The following FRAS1 variants were observed in gnomAD, a reference collection of about 807,000 sequenced individuals.
The protein encoded by FRAS1 is Fraser extracellular matrix complex subunit 1.
Under a neutral mutation model 435.2 loss-of-function variants are expected in FRAS1, and 290 were observed. The observed-to-expected ratio is 0.67, with a 90% CI of 0.61 to 0.73. The LOEUF (loss-of-function observed/expected upper bound fraction) is 0.73. Ranked by LOEUF, FRAS1 falls within the 30% of genes least tolerant of loss-of-function variation. The pLI is 0.00. For synonymous variants in FRAS1, 1,800 were observed against 1,851.0 expected, an observed-to-expected ratio of 0.97 and a Z score of 0.71; for missense variants, 4,860 against 5,001.5, an observed-to-expected ratio of 0.97 and a Z score of 0.85.
intron 2 of FRAS1, among the ~76,000 whole-genome samples, chr4:78,194,181 C>T (rs1475080159): frequency 1.3e-5 from 2 of 152,200 alleles, no homozygotes; most frequent in African/African-American, 2.4e-5. Context: ...GTAACCCGAC[C>T]TTTCTCTCTG....
intron 34 of FRAS1, among the ~76,000 whole-genome samples, chr4:78,424,067 G>A (rs1477725691): frequency 3.3e-5 from 5 of 152,146 alleles, no homozygotes; most frequent in Admixed American, 3.3e-4. Flanking sequence ...AGTGATATAC[G>A]ACTCACCCGC....
At chr4:78,140,032 G>A (rs1720092435) in intron 2 of FRAS1, among the ~76,000 whole-genome samples, 1 of 151,626 alleles carries the variant, frequency 6.6e-6, no homozygotes, top group Admixed American at 6.6e-5. Flanking sequence ...TTTTATTATG[G>A]GAAATTTCAA....
chr4:78,341,122 A>G (rs1282118581), intron 20 of FRAS1, among the ~76,000 whole-genome samples: 1 of 122,706 alleles, frequency 8.1e-6, no homozygotes, highest in Non-Finnish European at 1.8e-5. Context: ...TGTGTATGTG[A>G]GTGTGTGGAG....
intron 30 of FRAS1, among the ~76,000 whole-genome samples, chr4:78,403,412 A>G (rs1732978189): frequency 6.6e-6 from 1 of 152,234 alleles, no homozygotes; most frequent in African/African-American, 2.4e-5. Context: ...AGAGCCCCCT[A>G]TTAGTAATAA....
intron 16 of FRAS1, 80 bp from the exon 17 acceptor site, chr4:78,317,288 G>A: frequency 1.3e-6 from 2 of 1,526,372 alleles, no homozygotes; most frequent in South Asian, 2.2e-5. Flanking sequence ...AAGAGTCCCA[G>A]GCCCGTGAAG....
At position 78,384,085 on chromosome 4, in the gene FRAS1, G is replaced by A; in HGVS notation, c.3590G>A (p.Ser1197Asn). 1.9e-6 allele frequency: 3 copies of A among 1,606,598 alleles called. No individual in the cohort carries two copies. The highest frequency in any genetic ancestry group is 2.5e-6 in the Non-Finnish European group (3 of 1,177,782). The change falls in exon 28 of 74, where the codon AGT becomes AAT. Residue 1197 changes from serine (S) to asparagine (N), a missense_variant. By Grantham distance (46) the Ser-to-Asn change is conservative. Coordinates refer to ENST00000512123, the MANE Select transcript of FRAS1 (RefSeq NM_025074.7). ...AAAGGTTACCTTTTCCTGAAAATTA[G>A]TGACCAGCAGTTCTTCTCTGAGCCA... Reference protein sequence around the residue: ...LRKGYLFLKISDQQFFSEPQL... With the variant: ...LRKGYLFLKINDQQFFSEPQL...
Position 78,448,042 on chromosome 4 carries a change from T to C in FRAS1, c.6011-11T>C. ...TACCATTGTTTTGCTTTTCTTTACC[T>C]CTTCCCTCAGGTCATGTACTCTGGA... On this transcript the variant is annotated splice_polypyrimidine_tract_variant and intron_variant, in intron 43 of 73. Coordinates refer to ENST00000512123, the MANE Select transcript of FRAS1 (RefSeq NM_025074.7). The C allele has an allele frequency of 6.3e-7, 1 of 1,584,868 alleles. No individual in the cohort carries two copies. The highest frequency in any genetic ancestry group is 1.2e-5 in the South Asian group (1 of 86,222).
chr4:78,087,764 T>G lies in FRAS1; in HGVS notation c.108+21748T>G, dbSNP rs554370775. ...AGGAGAACTACAAACCACTGCTCAA[T>G]GAAATAAAAGAGGATACAAAGAAAT... On this transcript the variant is annotated intron_variant, in intron 2 of 73. Coordinates refer to ENST00000512123, the MANE Select transcript of FRAS1 (RefSeq NM_025074.7). 6.3e-4 allele frequency among the ~76,000 whole-genome samples: 95 copies of G among 151,964 alleles called. No homozygotes were observed. In the South Asian group the frequency reaches 0.012, roughly 19 times the overall value.
intron 18 of FRAS1, among the ~76,000 whole-genome samples, chr4:78,321,856 A>AG (rs397994132): frequency 4.6e-5 from 7 of 150,824 alleles, no homozygotes; most frequent in African/African-American, 1.7e-4. Context: ...AAAAAAAAAA[A>AG]GGTTAGAATC....
chr4:78,358,198 A>G (rs1267149027), intron 20 of FRAS1, among the ~76,000 whole-genome samples: 1 of 149,330 alleles, frequency 6.7e-6, no homozygotes, highest in Non-Finnish European at 1.5e-5. Flanking sequence ...TTGTTGTTTC[A>G]ATGAAAAAAA....
rs761286462 is a variant in FRAS1, at chr4:78,278,611, A to G, written c.982-44A>G. 33 of 1,078,964 alleles carry G rather than the reference A, an allele frequency of 3.1e-5. No individual in the cohort carries two copies. In the Admixed American group the frequency reaches 5.7e-4, roughly 19 times the overall value. 66.8% of individuals were successfully genotyped at this position (1,078,964 alleles called of 1,614,324 possible). A position where few individuals can be genotyped will look rare whatever the true frequency, so the allele number is the denominator to read the frequency against. On this transcript the variant is annotated intron_variant, in intron 9 of 73. Transcript: ENST00000512123. ...TTCTCAATTTAGCCCTGCTACCTGG[A>G]GATGTTAATTTGATATGTGCCACTG...
chr4:78,442,222 T>C (rs1490516687), intron 41 of FRAS1, among the ~76,000 whole-genome samples: 1 of 152,286 alleles, frequency 6.6e-6, no homozygotes, highest in Non-Finnish European at 1.5e-5. Flanking sequence ...GATCTGTTTA[T>C]TGCAGAATTA....
At chr4:78,266,957 A>G in intron 8 of FRAS1, 22 bp downstream of exon 8, 1 of 1,506,668 alleles carries the variant, frequency 6.6e-7, no homozygotes, top group Non-Finnish European at 9.1e-7. Flanking sequence ...TGTGTACCTT[A>G]CTTGTTTAAG....
At chr4:78,356,353 C>G (rs893317172) in intron 20 of FRAS1, among the ~76,000 whole-genome samples, 2 of 152,140 alleles carry the variant, frequency 1.3e-5, no homozygotes, top group South Asian at 4.1e-4. Flanking sequence ...CCTTTTCCCC[C>G]CTCTAACAAC....
At chr4:78,328,144 G>T in intron 18 of FRAS1, among the ~76,000 whole-genome samples, 1 of 152,088 alleles carries the variant, frequency 6.6e-6, no homozygotes, top group East Asian at 1.9e-4. Flanking sequence ...CTTTCAACTT[G>T]TTTGTCTTCT....
chr4:78,501,631 T>G (rs770618725), intron 61 of FRAS1, among the ~76,000 whole-genome samples: 1 of 152,224 alleles, frequency 6.6e-6, no homozygotes. Flanking sequence ...GAATCTGTTG[T>G]GTCCTGACTT....
At chr4:78,151,721 A>G (rs1383046531) in intron 2 of FRAS1, among the ~76,000 whole-genome samples, 1 of 152,154 alleles carries the variant, frequency 6.6e-6, no homozygotes, top group East Asian at 1.9e-4. Context: ...TCTAGGTGTA[A>G]TGCAGACTTA....
intron 9 of FRAS1, among the ~76,000 whole-genome samples, chr4:78,273,348 A>T (rs555452119): frequency 6.6e-6 from 1 of 152,124 alleles, no homozygotes; most frequent in African/African-American, 2.4e-5. Context: ...TTCCAACACT[A>T]TGTTGAATAG....
At position 78,540,877 on chromosome 4, in the gene FRAS1, A is replaced by G; in HGVS notation, c.11792A>G (p.Gln3931Arg). 1 of 1,613,986 alleles carries G rather than the reference A, an allele frequency of 6.2e-7. No individual in the cohort carries two copies. Among genetic ancestry groups the G allele is most frequent in the Non-Finnish European group, 8.5e-7 (1 of 1,179,896 alleles). Residue 3931 changes from glutamine (Q) to arginine (R), a missense_variant, in exon 74 of 74, where the codon CAG (glutamine) becomes CGG (arginine). Gln to Arg is a conservative substitution (Grantham distance 43). Transcript: ENST00000512123. ...GCTTGTTTTATCAACAGGAAATGCC[A>G]GAAACAGAGGAAGAAGAAGCCCGCA... ...LVACFINRKC[Q>R]KQRKKKPAED...
Sources: allele counts gnomAD v4.1 joint callset (sites outside exome capture counted in the v4.1 genomes callset), GRCh38; gene constraint gnomAD v4.1.1; transcripts MANE v1.5; gene names NCBI Gene and HGNC (gene_info 2026-07-23, HGNC 2026-07-21).